The following PRH1 variants were observed in gnomAD, a reference collection of about 807,000 sequenced individuals.
The protein encoded by PRH1 is proline rich protein HaeIII subfamily 1, also known as salivary acidic proline-rich phosphoprotein 1/2.
A neutral mutation model predicts 7.9 loss-of-function variants in PRH1; 7 were observed. That is an observed-to-expected ratio of 0.89 (90% CI 0.50 to 1.67). The LOEUF is 1.67. Among genes scored for constraint, PRH1 ranks in the 40% most tolerant of loss-of-function variants. The probability of loss-of-function intolerance (pLI) is 0.00; values close to 1 mark genes in which losing one functional copy is unlikely to be tolerated. For missense variants in PRH1, 109 were observed against 223.6 expected, an observed-to-expected ratio of 0.49 and a Z score of 3.27; for synonymous variants, 45 against 80.8, an observed-to-expected ratio of 0.56 and a Z score of 2.38.
Position 11,079,361 on chromosome 12 carries a change from T to C in PRH1, n.124-32173A>G, listed in dbSNP as rs1324134225. 7.0e-5 allele frequency among the ~76,000 whole-genome samples: 8 copies of C among 114,010 alleles called. 3 individuals carry two copies. Among genetic ancestry groups the C allele is most frequent in the Non-Finnish European group, 1.7e-4 (8 of 48,412 alleles). The allele number at this position is 114,010 out of a possible 152,430, so 74.8% of individuals were successfully genotyped here. ...TTTTCCATTTACCGTGAGGACATCA[T>C]CTGGCCAATAACTGTTCCCATAAGA... On this transcript the variant is annotated intron_variant and non_coding_transcript_variant, in intron 1 of 4. Transcript: ENST00000541977.
At chr12:11,076,144 C>T (rs796558807) in intron 1 of PRH1, among the ~76,000 whole-genome samples, 543 of 34,900 alleles carry the variant, frequency 0.016, 102 homozygotes, top group Non-Finnish European at 0.034. Context: ...ATGTTAAAAT[C>T]TCATAACACC....
At chr12:11,157,082 G>A (rs929158935) in intron 1 of PRH1, among the ~76,000 whole-genome samples, 2 of 151,758 alleles carry the variant, frequency 1.3e-5, no homozygotes, top group Non-Finnish European at 2.9e-5. Flanking sequence ...TCCTGACCTC[G>A]TGATCTGCCT....
intron 2 of PRH1, chr12:10,938,330 GAC>G: frequency 6.2e-7 from 1 of 1,614,004 alleles, no homozygotes; most frequent in African/African-American, 1.3e-5. Flanking sequence ...CAGTAGCACT[GAC>G]AGAGAGGCCT....
intron 1 of PRH1, among the ~76,000 whole-genome samples, chr12:11,088,714 T>A (rs1400141720): frequency 1.0e-5 from 1 of 97,916 alleles, no homozygotes; most frequent in Non-Finnish European, 2.4e-5. Context: ...TCAAGCAGAA[T>A]CCAGAACAAA....
chr12:11,113,829 C>T (rs1945657352), intron 1 of PRH1, among the ~76,000 whole-genome samples: 1 of 151,722 alleles, frequency 6.6e-6, no homozygotes, highest in African/African-American at 2.4e-5. Flanking sequence ...ACAACCCCAT[C>T]AAAAAGTGGG....
intron 2 of PRH1, chr12:10,895,862 G>C (rs1949637229): frequency 6.6e-6 from 1 of 152,106 alleles, no homozygotes; most frequent in South Asian, 2.1e-4. Flanking sequence ...TATAAACAGT[G>C]TCTCCCAAAT....
At position 10,964,356 on chromosome 12, in the gene PRH1, T is replaced by A. The variant is rs1938398997; in HGVS notation, c.-59+9299A>T. The A allele has an allele frequency of 2.9e-5, 6 of 205,256 alleles. No individual in the cohort carries two copies. The South Asian group carries it at 5.8e-4, about 20-fold the overall frequency. The allele number at this position is 205,256 out of a possible 1,614,324, so 12.7% of individuals were successfully genotyped here. On this transcript the variant is annotated intron_variant, in intron 2 of 3. Transcript: ENST00000539853. ...AATACAGAAAAACCAGTGGAAAGTA[T>A]AAAATGTTCCAGACAACATCAGTTT...
intron 2 of PRH1, among the ~76,000 whole-genome samples, chr12:10,932,703 C>T (rs1324910997): frequency 6.6e-6 from 1 of 152,028 alleles, no homozygotes; most frequent in Non-Finnish European, 1.5e-5. Context: ...AGCCACTAGA[C>T]CTATTTTCCC....
chr12:11,072,183 C>T (rs1944102916), intron 1 of PRH1, among the ~76,000 whole-genome samples: 1 of 152,122 alleles, frequency 6.6e-6, no homozygotes, highest in Non-Finnish European at 1.5e-5. Context: ...GACAAGCTCT[C>T]ACCATGTAGC....
chr12:11,060,379 T>C (rs900476642), intron 1 of PRH1, among the ~76,000 whole-genome samples: 2 of 129,522 alleles, frequency 1.5e-5, no homozygotes, highest in Non-Finnish European at 1.8e-5. Flanking sequence ...ACATTGATAG[T>C]TTTTTTTTAG....
At chr12:11,025,766 A>T (rs187831109) in intron 1 of PRH1, among the ~76,000 whole-genome samples, 1 of 152,262 alleles carries the variant, frequency 6.6e-6, no homozygotes, top group African/African-American at 2.4e-5. Context: ...CTTCCAATTC[A>T]CTTATTCTCT....
intron 1 of PRH1, among the ~76,000 whole-genome samples, chr12:11,086,576 T>C (rs1377518718): frequency 1.3e-5 from 2 of 151,158 alleles, no homozygotes; most frequent in South Asian, 4.2e-4. Flanking sequence ...GATGTGAGAC[T>C]CCATTTTACA....
At chr12:10,994,057 G>A (rs1457394882) in intron 1 of PRH1, among the ~76,000 whole-genome samples, 1 of 152,220 alleles carries the variant, frequency 6.6e-6, no homozygotes, top group Admixed American at 6.5e-5. Context: ...TATGCTCATA[G>A]TCAGCCATGA....
intron 1 of PRH1, among the ~76,000 whole-genome samples, chr12:11,155,937 C>A (rs540567707): frequency 2.0e-5 from 3 of 152,280 alleles, no homozygotes; most frequent in East Asian, 3.9e-4. Flanking sequence ...TAAATTTAAT[C>A]TTTTCACCTT....
At chr12:11,102,844 GA>G (rs1455816317) in intron 1 of PRH1, among the ~76,000 whole-genome samples, 1 of 151,976 alleles carries the variant, frequency 6.6e-6, no homozygotes, top group East Asian at 1.9e-4. Context: ...AAATTTACAA[GA>G]AAAAAATCAA....
chr12:11,109,370 C>G (rs1945522695), intron 1 of PRH1, among the ~76,000 whole-genome samples: 1 of 152,172 alleles, frequency 6.6e-6, no homozygotes. Context: ...TGCCTCCTTA[C>G]TGGGAGACAT....
intron 1 of PRH1, chr12:10,996,903 A>C (rs1940273011): frequency 6.6e-7 from 1 of 1,517,330 alleles, no homozygotes; most frequent in Non-Finnish European, 8.9e-7. Context: ...GACACCATCA[A>C]TTTGTTTTCT....
chr12:10,930,734 C>T, intron 2 of PRH1: 2 of 1,613,774 alleles, frequency 1.2e-6, no homozygotes, highest in Admixed American at 1.7e-5. Flanking sequence ...CAATCTCAAC[C>T]CTCTGCTGGT....
chr12:11,127,373 A>C (rs1946169707), intron 1 of PRH1, among the ~76,000 whole-genome samples: 1 of 152,290 alleles, frequency 6.6e-6, no homozygotes, highest in South Asian at 2.1e-4. Flanking sequence ...TTCCAACCTA[A>C]TACATAAATC....
Sources: gnomAD v4.1 joint callset for allele counts (sites outside exome capture counted in the v4.1 genomes callset) on GRCh38, gnomAD v4.1.1 for gene constraint, MANE v1.5 for transcripts, NCBI Gene and HGNC (gene_info 2026-07-23, HGNC 2026-07-21) for gene names.